Variants in FRMPD4 observed in about 807,000 individuals in gnomAD.
The protein encoded by FRMPD4 is FERM and PDZ domain containing 4.
Under a neutral mutation model 94.1 loss-of-function variants are expected in FRMPD4, and 22 were observed. The observed-to-expected ratio is 0.23, with a 90% CI of 0.17 to 0.33. The LOEUF is 0.33. Ranked by LOEUF, FRMPD4 falls within the 10% of genes least tolerant of loss-of-function variation. The probability of loss-of-function intolerance (pLI) is 1.00; values close to 1 mark genes in which losing one functional copy is unlikely to be tolerated. For missense variants in FRMPD4, 1,111 were observed against 1,339.9 expected (o/e 0.83, Z 2.67); for synonymous variants, 631 against 548.6 (o/e 1.15, Z -2.10).
chrX:12,432,565 C>CT (rs2057021468), intron 1 of FRMPD4, among the ~76,000 whole-genome samples: 1 of 111,760 alleles, frequency 8.9e-6, no homozygotes, highest in Non-Finnish European at 1.9e-5. Flanking sequence ...GGTTGTTGGA[C>CT]TGAGGGGCTC....
In FRMPD4 at chrX:12,086,578, G is replaced by A. The variant is rs765927881; in HGVS notation, c.95+208560G>A. On this transcript the variant is annotated intron_variant, in intron 3 of 18. Transcript: ENST00000640291. ...AGAGAATTTGGGTGCTTAAGGAATA[G>A]GGTGACAAGAGTGCCTCTCTTTCAA... is the stretch of plus-strand genomic sequence containing the variant. Among the ~76,000 whole-genome samples, 13 of 111,719 alleles carry A rather than the reference G, an allele frequency of 1.2e-4. No individual in the cohort carries two copies. In the East Asian group the frequency reaches 3.7e-3, roughly 32 times the overall value.
At chrX:11,970,989 C>A (rs1331320292) in intron 3 of FRMPD4, among the ~76,000 whole-genome samples, 1 of 112,368 alleles carries the variant, frequency 8.9e-6, no homozygotes, top group East Asian at 2.8e-4. Context: ...GTTCTTCCCC[C>A]TCTTCCAGAT....
intron 1 of FRMPD4, among the ~76,000 whole-genome samples, chrX:11,847,938 C>G (rs1230313217): frequency 6.0e-5 from 6 of 99,451 alleles, no homozygotes; most frequent in Non-Finnish European, 1.2e-4. Context: ...TGCTAAATGA[C>G]GAGTTAATGG....
At chrX:11,952,506 T>C (rs1484864465) in intron 3 of FRMPD4, among the ~76,000 whole-genome samples, 1 of 112,297 alleles carries the variant, frequency 8.9e-6, no homozygotes, top group Non-Finnish European at 1.9e-5. Flanking sequence ...CCAATTGTAA[T>C]CTGCGAAAGG....
chrX:12,443,642 C>A (rs1399404058), intron 1 of FRMPD4, among the ~76,000 whole-genome samples: 1 of 111,410 alleles, frequency 9.0e-6, no homozygotes, highest in Non-Finnish European at 1.9e-5. Context: ...ACTAAAATAG[C>A]CTAAGCTCTT....
chrX:12,360,752 G>T (rs766258020), intron 1 of FRMPD4, among the ~76,000 whole-genome samples: 1 of 111,568 alleles, frequency 9.0e-6, no homozygotes, highest in East Asian at 2.8e-4. Flanking sequence ...TTCCTCCATA[G>T]AGACGGCAAC....
intron 1 of FRMPD4, among the ~76,000 whole-genome samples, chrX:12,221,274 A>AAAC (rs923171050): frequency 6.2e-5 from 7 of 112,351 alleles, no homozygotes; most frequent in African/African-American, 2.3e-4. Flanking sequence ...TTCAGTGATT[A>AAAC]AACAACAACA....
At chrX:12,660,787 G>T (rs1455921662) in intron 4 of FRMPD4, among the ~76,000 whole-genome samples, 1 of 112,122 alleles carries the variant, frequency 8.9e-6, no homozygotes, top group African/African-American at 3.2e-5. Flanking sequence ...TCTCACTGGG[G>T]TCTGTCTTGT....
chrX:12,191,949 T>A (rs938372687), intron 1 of FRMPD4, among the ~76,000 whole-genome samples: 6 of 111,728 alleles, frequency 5.4e-5, no homozygotes, highest in African/African-American at 1.9e-4. Context: ...ATTTTGATAG[T>A]TGGGGAGTCT....
At chrX:11,980,104 C>T (rs1251871814) in intron 3 of FRMPD4, among the ~76,000 whole-genome samples, 1 of 111,091 alleles carries the variant, frequency 9.0e-6, no homozygotes, top group Non-Finnish European at 1.9e-5. Flanking sequence ...GAAGATTAAC[C>T]ACTGCTTCAA....
At chrX:12,331,677 T>G (rs1305175088) in intron 1 of FRMPD4, among the ~76,000 whole-genome samples, 1 of 72,841 alleles carries the variant, frequency 1.4e-5, no homozygotes, top group African/African-American at 5.8e-5. Flanking sequence ...AATATATAAA[T>G]TATATATTTA....
chrX:12,477,864 C>T (rs1275094086), intron 1 of FRMPD4, among the ~76,000 whole-genome samples: 1 of 112,440 alleles, frequency 8.9e-6, no homozygotes, highest in Middle Eastern at 4.2e-3. Flanking sequence ...TCTGGAGGAA[C>T]TTACAGTTTT....
intron 2 of FRMPD4, among the ~76,000 whole-genome samples, chrX:12,595,431 T>C (rs1268530444): frequency 8.9e-6 from 1 of 111,873 alleles, no homozygotes; most frequent in Non-Finnish European, 1.9e-5. Context: ...CATATGTCAT[T>C]AAAAAGTCCA....
chrX:12,418,993 G>A (rs1336369487), intron 1 of FRMPD4, among the ~76,000 whole-genome samples: 1 of 111,881 alleles, frequency 8.9e-6, no homozygotes, highest in African/African-American at 3.3e-5. Flanking sequence ...CATGGGTTAT[G>A]TTTATCCAAG....
chrX:12,463,871 A>T (rs2148160874), intron 1 of FRMPD4, among the ~76,000 whole-genome samples: 1 of 109,506 alleles, frequency 9.1e-6, no homozygotes, highest in Admixed American at 9.8e-5. Context: ...GAGAATTTCT[A>T]AGAAATTATG....
intron 1 of FRMPD4, among the ~76,000 whole-genome samples, chrX:12,455,601 A>G (rs2057325321): frequency 8.9e-6 from 1 of 112,103 alleles, no homozygotes; most frequent in Non-Finnish European, 1.9e-5. Flanking sequence ...GAGTCCAGGT[A>G]TATAGTAATT....
chrX:12,146,465 T>TACACACACATACAGAGAC (rs2147584289), intron 1 of FRMPD4, among the ~76,000 whole-genome samples: 1 of 104,140 alleles, frequency 9.6e-6, no homozygotes, highest in African/African-American at 3.4e-5. Flanking sequence ...CACACGTGTA[T>TACACACACATACAGAGAC]ACACACACAT....
intron 1 of FRMPD4, among the ~76,000 whole-genome samples, chrX:12,272,192 A>G (rs2054364862): frequency 8.9e-6 from 1 of 112,258 alleles, no homozygotes; most frequent in Non-Finnish European, 1.9e-5. Context: ...TAAGCACTCT[A>G]TAGATGTCTT....
At chrX:12,336,496 A>G (rs2055525554) in intron 1 of FRMPD4, among the ~76,000 whole-genome samples, 1 of 111,167 alleles carries the variant, frequency 9.0e-6, no homozygotes, top group African/African-American at 3.3e-5. Context: ...AAAAAGATGC[A>G]TTTTCTGAGT....
Sources: gnomAD v4.1 joint callset for allele counts (sites outside exome capture counted in the v4.1 genomes callset) on GRCh38, gnomAD v4.1.1 for gene constraint, MANE v1.5 for transcripts, NCBI Gene and HGNC (gene_info 2026-07-23, HGNC 2026-07-21) for gene names.